Variants in FGGY observed in about 807,000 individuals in gnomAD.
FGGY encodes the protein FGGY carbohydrate kinase domain-containing protein.
A neutral mutation model predicts 71.3 loss-of-function variants in FGGY; 72 were observed. The observed-to-expected ratio is 1.01, with a 90% CI of 0.84 to 1.23. The LOEUF (loss-of-function observed/expected upper bound fraction) is 1.23, where lower values mean the gene tolerates loss of function less well. Ranked by LOEUF, FGGY falls within the 50% of genes most tolerant of loss-of-function variation. FGGY has a pLI of 0.00. For missense variants in FGGY, 668 were observed against 682.3 expected (o/e 0.98, Z 0.23); for synonymous variants, 251 against 250.3 (o/e 1.00, Z -0.02).
chr1:59,417,602 A>C (rs2064692878), intron 5 of FGGY, among the ~76,000 whole-genome samples: 1 of 152,142 alleles, frequency 6.6e-6, no homozygotes, highest in Admixed American at 6.6e-5. Flanking sequence ...CATCCTTGTG[A>C]GCACTTGTTA....
At chr1:59,618,942 A>G (rs996713515) in intron 9 of FGGY, among the ~76,000 whole-genome samples, 5 of 152,028 alleles carry the variant, frequency 3.3e-5, no homozygotes, top group African/African-American at 1.2e-4. Context: ...CTCTGCAAAA[A>G]CAAATGCCTC....
At chr1:59,757,178 A>G (rs962894946) in intron 14 of FGGY, among the ~76,000 whole-genome samples, 14 of 152,118 alleles carry the variant, frequency 9.2e-5, no homozygotes, top group Non-Finnish European at 1.9e-4. Context: ...TTGGACTCCA[A>G]AGTTTACTTT....
intron 5 of FGGY, among the ~76,000 whole-genome samples, chr1:59,426,970 G>A (rs1188852743): frequency 6.6e-6 from 1 of 151,938 alleles, no homozygotes; most frequent in Non-Finnish European, 1.5e-5. Context: ...ACCTTTTTCA[G>A]AGGCCAAGCA....
chr1:59,585,416 G>A (rs1281491908), intron 8 of FGGY, among the ~76,000 whole-genome samples: 1 of 152,148 alleles, frequency 6.6e-6, no homozygotes, highest in East Asian at 1.9e-4. Flanking sequence ...ACAAGAAATG[G>A]GGAAAGGATT....
At chr1:59,720,624 A>G (rs2097882587) in intron 14 of FGGY, among the ~76,000 whole-genome samples, 1 of 152,258 alleles carries the variant, frequency 6.6e-6, no homozygotes, top group Non-Finnish European at 1.5e-5. Flanking sequence ...AGGAGATGAC[A>G]TGCCTTAGGC....
chr1:59,626,416 G>A, intron 10 of FGGY: 1 of 175,900 alleles, frequency 5.7e-6, no homozygotes, highest in Non-Finnish European at 1.2e-5. Flanking sequence ...CTCTTCATCT[G>A]TAAAACTGAA....
At chr1:59,561,843 C>T (rs2095797393) in intron 8 of FGGY, among the ~76,000 whole-genome samples, 1 of 152,094 alleles carries the variant, frequency 6.6e-6, no homozygotes, top group African/African-American at 2.4e-5. Flanking sequence ...CCCTCAAAGG[C>T]CTAGAGGAAA....
intron 14 of FGGY, among the ~76,000 whole-genome samples, chr1:59,702,157 G>A (rs6683187): frequency 0.47 from 70,710 of 151,822 alleles, 17,915 homozygotes; most frequent in Middle Eastern, 0.63. Context: ...GAACAGCATG[G>A]TGGAAACAGC....
intron 3 of FGGY, 64 bp downstream of exon 3, chr1:59,340,133 A>G (rs760774602): frequency 8.0e-6 from 9 of 1,130,972 alleles, no homozygotes; most frequent in Non-Finnish European, 1.2e-5. Flanking sequence ...CAATGGGCCC[A>G]GGTGGAACAG....
intron 14 of FGGY, among the ~76,000 whole-genome samples, chr1:59,721,601 G>A (rs184061864): frequency 8.4e-4 from 128 of 152,128 alleles, no homozygotes; most frequent in Middle Eastern, 6.8e-3. Flanking sequence ...GCTTCCCAAA[G>A]TGCTGGGATT....
At chr1:59,588,608 A>G (rs1383739173) in intron 8 of FGGY, among the ~76,000 whole-genome samples, 2 of 152,232 alleles carry the variant, frequency 1.3e-5, no homozygotes, top group African/African-American at 2.4e-5. Flanking sequence ...AAACCCTACA[A>G]GCCAGAAGAG....
intron 3 of FGGY, among the ~76,000 whole-genome samples, 152 bp downstream of exon 3, chr1:59,340,221 A>G (rs1440391024): frequency 6.6e-6 from 1 of 152,208 alleles, no homozygotes; most frequent in Non-Finnish European, 1.5e-5. Context: ...GCAGAAGTCA[A>G]GAGCTTGGAG....
chr1:59,633,271 A>G (rs992726011), intron 10 of FGGY, among the ~76,000 whole-genome samples: 1 of 152,090 alleles, frequency 6.6e-6, no homozygotes, highest in African/African-American at 2.4e-5. Context: ...CGGCCTCCCA[A>G]AGTGCTGAGA....
chr1:59,339,228 G>A (rs2050181361), intron 2 of FGGY, among the ~76,000 whole-genome samples: 1 of 152,008 alleles, frequency 6.6e-6, no homozygotes, highest in Non-Finnish European at 1.5e-5. Context: ...TCCAAAATCT[G>A]AAAAATTCTG....
chr1:59,625,106 T>G (rs2096844045), intron 9 of FGGY, among the ~76,000 whole-genome samples: 1 of 152,146 alleles, frequency 6.6e-6, no homozygotes, highest in Non-Finnish European at 1.5e-5. Flanking sequence ...AATCTTTTCC[T>G]TGTTGGAATG....
At position 59,667,264 on chromosome 1, in the gene FGGY, T is replaced by G. The variant is rs766505300; in HGVS notation, c.1297-19T>G. 1.2e-6 allele frequency: 2 copies of G among 1,613,890 alleles called. No homozygotes were observed. The highest frequency in any genetic ancestry group is 1.7e-6 in the Non-Finnish European group (2 of 1,179,964). ...CTTTTGTGACTATACTGATGCTATC[T>G]TCTGCTTTTCCTTTCAAGTTGGGGA... On this transcript the variant is annotated intron_variant, in intron 12 of 15. Transcript: ENST00000303721.
At chr1:59,497,834 C>T (rs932392663) in intron 6 of FGGY, among the ~76,000 whole-genome samples, 3 of 152,176 alleles carry the variant, frequency 2.0e-5, no homozygotes, top group Non-Finnish European at 4.4e-5. Flanking sequence ...ACTCTGTCGG[C>T]GCTGCTATTT....
chr1:59,421,206 G>A (rs950615398), intron 5 of FGGY, among the ~76,000 whole-genome samples: 1 of 152,136 alleles, frequency 6.6e-6, no homozygotes, highest in Non-Finnish European at 1.5e-5. Context: ...AACACTCGTG[G>A]TGTGTCACCC....
intron 8 of FGGY, among the ~76,000 whole-genome samples, chr1:59,589,656 T>G (rs2096388119): frequency 6.6e-6 from 1 of 152,054 alleles, no homozygotes; most frequent in African/African-American, 2.4e-5. Context: ...CTCAACTACA[T>G]GGAAACTGAA....
Sources: gnomAD v4.1 joint callset for allele counts (sites outside exome capture counted in the v4.1 genomes callset) on GRCh38, gnomAD v4.1.1 for gene constraint, MANE v1.5 for transcripts, NCBI Gene and HGNC (gene_info 2026-07-23, HGNC 2026-07-21) for gene names.